PPP1R9A: variants seen among roughly 807,000 people sequenced by gnomAD.
PPP1R9A encodes the protein protein phosphatase 1 regulatory subunit 9A.
Under a neutral mutation model 141.9 loss-of-function variants are expected in PPP1R9A, and 59 were observed. The observed-to-expected ratio is 0.42, with a 90% CI of 0.34 to 0.52. The LOEUF (loss-of-function observed/expected upper bound fraction) is 0.52. PPP1R9A is among the 20% of genes least tolerant of loss of function. The probability of loss-of-function intolerance (pLI) is 0.10; values close to 1 mark genes in which losing one functional copy is unlikely to be tolerated. For synonymous variants in PPP1R9A, 500 were observed against 569.7 expected, an observed-to-expected ratio of 0.88 and a Z score of 1.74; for missense variants, 1,444 against 1,611.9, an observed-to-expected ratio of 0.90 and a Z score of 1.78.
intron 5 of PPP1R9A, among the ~76,000 whole-genome samples, chr7:95,171,762 C>T (rs1440018278): frequency 6.6e-6 from 1 of 151,554 alleles, no homozygotes; most frequent in East Asian, 1.9e-4. Context: ...AATACCAACT[C>T]AACATATACT....
At chr7:95,127,553 C>T (rs779703592) in intron 4 of PPP1R9A, among the ~76,000 whole-genome samples, 13 of 149,090 alleles carry the variant, frequency 8.7e-5, no homozygotes, top group Admixed American at 2.0e-4. Flanking sequence ...GGTATATGTG[C>T]ACTTTTGTTA....
At chr7:94,947,142 G>T (rs987401338) in intron 2 of PPP1R9A, among the ~76,000 whole-genome samples, 3 of 152,060 alleles carry the variant, frequency 2.0e-5, no homozygotes, top group Non-Finnish European at 2.9e-5. Context: ...AAGTCGGCTT[G>T]CAGGCCATGG....
rs1379857410 is a variant in PPP1R9A, at chr7:95,269,297, G to A, written c.2914G>A (p.Val972Ile). 1 of 1,595,248 alleles carries A rather than the reference G, an allele frequency of 6.3e-7. No individual in the cohort carries two copies. Among genetic ancestry groups the A allele is most frequent in the Non-Finnish European group, 8.5e-7 (1 of 1,176,424 alleles). ...RTSSPESDSG[V>I]PPLTPVDSNV... is the part of the protein sequence containing the mutation. ...GTCTTCTCCAGAATCAGATTCTGGT[G>A]TTCCACCCCTCACCCCGGTGGATAG... The change falls in exon 14 of 20, where the codon GTT (valine) becomes ATT (isoleucine). Residue 972 changes from valine (V) to isoleucine (I), a missense_variant. Physicochemically the swap from Val to Ile is conservative, Grantham distance 29. Coordinates refer to ENST00000433360, the MANE Select transcript of PPP1R9A (RefSeq NM_001166160.2).
intron 2 of PPP1R9A, among the ~76,000 whole-genome samples, chr7:94,994,291 C>T (rs1366936883): frequency 6.6e-6 from 1 of 152,006 alleles, no homozygotes; most frequent in East Asian, 1.9e-4. Flanking sequence ...ACACCAGTCA[C>T]ATAGGGTCTT....
chr7:95,099,338 C>G (rs761204897), intron 2 of PPP1R9A, among the ~76,000 whole-genome samples: 2 of 152,108 alleles, frequency 1.3e-5, no homozygotes, highest in African/African-American at 4.8e-5. Flanking sequence ...GAAACTGGAC[C>G]AAGGCCACCA....
rs1345209905 is a variant in PPP1R9A at position 94,910,467 on chromosome 7, T to C, written c.354T>C (p.Ser118=). The change falls in exon 2 of 20, where the codon TCT becomes TCC. Residue 118 remains serine (S), a synonymous_variant. Transcript: ENST00000433360. This position sits in a 1 kb window ranked among gnomAD's most constrained non-coding sequence, Gnocchi z 4.5. Reference sequence around the variant, plus strand: ...ATGGCTCAGTTGTTAAGTTGGAGTCTTCTGTTTCTGAACGAATTAGTAGAT... The same window carrying C: ...ATGGCTCAGTTGTTAAGTTGGAGTCCTCTGTTTCTGAACGAATTAGTAGAT... ...KTDGSVVKLE[S]SVSERISRFD... is the part of the protein sequence containing the mutation. 5.0e-6 allele frequency: 8 copies of C among 1,614,090 alleles called. No individual in the cohort carries two copies. The African/African-American group carries it at 6.7e-5, about 13-fold the overall frequency.
intron 14 of PPP1R9A, among the ~76,000 whole-genome samples, chr7:95,273,693 G>C (rs1362118977): frequency 6.6e-6 from 1 of 152,122 alleles, no homozygotes; most frequent in Non-Finnish European, 1.5e-5. Context: ...TGAATGTTGA[G>C]CCTCTGTCCT....
chr7:95,269,463 C>T lies in PPP1R9A; in HGVS notation c.3080C>T (p.Pro1027Leu). 1 of 1,587,576 alleles carries T rather than the reference C, an allele frequency of 6.3e-7. No individual in the cohort carries two copies. Residue 1027 changes from proline to leucine, a missense_variant, in exon 14 of 20, where the codon CCT becomes CTT. Pro to Leu is a moderately conservative substitution (Grantham distance 98, BLOSUM62 -3). Around this residue, in one of 5 missense-constraint regions of PPP1R9A, gnomAD observed 459 missense variants for 513.8 expected, o/e 0.89. Coordinates refer to ENST00000433360, the MANE Select transcript of PPP1R9A (RefSeq NM_001166160.2). ...SKSDHDVEES[P>L]CHHQTTNKKI... is the part of the protein sequence containing the mutation. ...TCTGATCATGATGTGGAAGAATCTC[C>T]TTGCCATCACCAAACCACCAACAAG...
At chr7:94,938,932 G>T (rs1272313132) in intron 2 of PPP1R9A, among the ~76,000 whole-genome samples, 3 of 152,142 alleles carry the variant, frequency 2.0e-5, no homozygotes, top group African/African-American at 4.8e-5. Flanking sequence ...CGCTATTCCT[G>T]TGTTTTTAAA....
At chr7:95,095,523 C>CT (rs1817908856) in intron 2 of PPP1R9A, among the ~76,000 whole-genome samples, 1 of 152,184 alleles carries the variant, frequency 6.6e-6, no homozygotes, top group Non-Finnish European at 1.5e-5. Flanking sequence ...TTTCCACCCT[C>CT]TGAGTTTTTC....
intron 2 of PPP1R9A, among the ~76,000 whole-genome samples, chr7:95,065,127 A>G (rs968586197): frequency 6.6e-6 from 1 of 152,138 alleles, no homozygotes; most frequent in African/African-American, 2.4e-5. Context: ...GTGCAGTGGC[A>G]TGCTCATAGC....
At chr7:95,049,741 T>C (rs1027779895) in intron 2 of PPP1R9A, among the ~76,000 whole-genome samples, 1 of 152,242 alleles carries the variant, frequency 6.6e-6, no homozygotes, top group Non-Finnish European at 1.5e-5. Context: ...CATTTTGCCC[T>C]TTTCAGAATG....
At chr7:95,144,715 T>C (rs1342604728) in intron 4 of PPP1R9A, among the ~76,000 whole-genome samples, 1 of 152,196 alleles carries the variant, frequency 6.6e-6, no homozygotes, top group African/African-American at 2.4e-5. Flanking sequence ...ATCAACATAG[T>C]ACTGGAGTCC....
intron 12 of PPP1R9A, among the ~76,000 whole-genome samples, chr7:95,259,925 A>G (rs1228166668): frequency 6.6e-6 from 1 of 152,106 alleles, no homozygotes; most frequent in Non-Finnish European, 1.5e-5. Context: ...TTTTTTGCAT[A>G]CAGATATAAT....
chr7:94,995,781 T>A (rs1454946314), intron 2 of PPP1R9A, among the ~76,000 whole-genome samples: 1 of 152,138 alleles, frequency 6.6e-6, no homozygotes, highest in Non-Finnish European at 1.5e-5. Context: ...TTGATTTCAA[T>A]GAATTGATTT....
At chr7:95,284,827 T>C (rs986597144) in intron 17 of PPP1R9A, among the ~76,000 whole-genome samples, 3 of 152,252 alleles carry the variant, frequency 2.0e-5, no homozygotes, top group African/African-American at 7.2e-5. Flanking sequence ...ATGATGGTTA[T>C]TTCCAGCATG....
chr7:95,032,330 T>A (rs1807803797), intron 2 of PPP1R9A, among the ~76,000 whole-genome samples: 1 of 152,194 alleles, frequency 6.6e-6, no homozygotes, highest in Admixed American at 6.5e-5. Context: ...GAGAGAAAAC[T>A]TGATACTTGT....
At chr7:95,080,665 C>G (rs551405459) in intron 2 of PPP1R9A, among the ~76,000 whole-genome samples, 4 of 152,292 alleles carry the variant, frequency 2.6e-5, no homozygotes, top group African/African-American at 9.6e-5. Flanking sequence ...AAGCTGGAGG[C>G]ATCACGCTAC....
chr7:95,114,887 G>T (rs369050001), intron 3 of PPP1R9A, among the ~76,000 whole-genome samples: 3 of 110,960 alleles, frequency 2.7e-5, no homozygotes, highest in Non-Finnish European at 5.5e-5. Context: ...TAAAAAGTCC[G>T]TCTCAAAAAA....
Sources: allele counts gnomAD v4.1 joint callset (sites outside exome capture counted in the v4.1 genomes callset), GRCh38; gene constraint gnomAD v4.1.1; regional missense constraint gnomAD v4.1.1; non-coding constraint Gnocchi (gnomAD v3.1); transcripts MANE v1.5; gene names NCBI Gene and HGNC (gene_info 2026-07-23, HGNC 2026-07-21).